The following DNAH7 variants were observed in gnomAD, a reference collection of about 807,000 sequenced individuals.
The protein encoded by DNAH7 is dynein axonemal heavy chain 7.
DNAH7 carries 397 observed loss-of-function variants against 444.6 expected under a neutral mutation model. The observed-to-expected ratio is 0.89, with a 90% CI of 0.82 to 0.97. The LOEUF is 0.97. Ranked by LOEUF, DNAH7 falls within the 50% of genes least tolerant of loss-of-function variation. The pLI is 0.00. For synonymous variants in DNAH7, 1,636 were observed against 1,624.4 expected (o/e 1.01, Z -0.17); for missense variants, 4,902 against 4,800.8 (o/e 1.02, Z -0.62).
chr2:196,013,703 G>A (rs901688714), intron 9 of DNAH7, among the ~76,000 whole-genome samples: 6 of 152,124 alleles, frequency 3.9e-5, no homozygotes, highest in Non-Finnish European at 8.8e-5. Context: ...CACAAAGTAC[G>A]TATAACCACT....
rs140152411 is a variant in DNAH7, at chr2:195,921,352, T to TACACACACACAC, written c.3935+724_3935+735dup. Among the ~76,000 whole-genome samples, 62 of 140,462 alleles carry TACACACACACAC rather than the reference T, an allele frequency of 4.4e-4. No homozygotes were observed. The East Asian group carries it at 6.3e-3, about 14-fold the overall frequency. The allele number at this position is 140,462 out of a possible 152,430, so 92.1% of individuals were successfully genotyped here. Reference sequence around the variant, plus strand: ...ATGAGTGGATAAAGAAAATGTGGTGTACACACACACACACACACACACACA... The same window carrying TACACACACACAC: ...ATGAGTGGATAAAGAAAATGTGGTGTACACACACACACACACACACACACACACACACACACA... On this transcript the variant is annotated intron_variant, in intron 24 of 64. Transcript: ENST00000312428.
At chr2:196,047,280 A>C (rs1484106416) in intron 5 of DNAH7, 72 bp downstream of exon 5, 1 of 1,340,298 alleles carries the variant, frequency 7.5e-7, no homozygotes, top group African/African-American at 1.5e-5. Flanking sequence ...ACAGAATTCT[A>C]ATATTCTTAG....
intron 54 of DNAH7, among the ~76,000 whole-genome samples, chr2:195,803,662 G>C (rs72915107): frequency 6.6e-6 from 1 of 152,060 alleles, no homozygotes; most frequent in Non-Finnish European, 1.5e-5. Flanking sequence ...AGAAGTCTGC[G>C]GTCTTCTATG....
At chr2:195,968,175 G>C (rs1489531474) in intron 17 of DNAH7, among the ~76,000 whole-genome samples, 1 of 152,166 alleles carries the variant, frequency 6.6e-6, no homozygotes, top group Admixed American at 6.5e-5. Flanking sequence ...GGACTTGGGG[G>C]CCCCAAGGTC....
chr2:195,956,650 CAAA>C (rs34080750), intron 19 of DNAH7, among the ~76,000 whole-genome samples: 13 of 125,344 alleles, frequency 1.0e-4, no homozygotes, highest in African/African-American at 1.0e-4. Flanking sequence ...GACTCTGTCT[CAAA>C]AAAAAAAAAA....
chr2:195,897,733 CA>C lies in DNAH7; in HGVS notation c.4580del (p.Leu1527CysfsTer9). The C allele has an allele frequency of 1.3e-6, 2 of 1,499,404 alleles. No homozygotes were observed. The highest frequency in any genetic ancestry group is 1.8e-6 in the Non-Finnish European group (2 of 1,105,950). The allele number at this position is 1,499,404 out of a possible 1,614,324, so 92.9% of individuals were successfully genotyped here. A position where few individuals can be genotyped will look rare whatever the true frequency, so the allele number is the denominator to read the frequency against. On this transcript the variant is annotated frameshift_variant, in exon 29 of 65. Transcript: ENST00000312428. LOFTEE classifies it high-confidence loss of function. ...LKYPNENEEI[L>X]LLRSIIDVNL... ...TTACATCAATGATAGATCTAAGCAGCAAAATTTCTTCATTTTCATTTGGATA... is the reference window on the plus strand; with the variant it reads ...TTACATCAATGATAGATCTAAGCAGCAAATTTCTTCATTTTCATTTGGATA...
intron 43 of DNAH7, 144 bp from the exon 44 acceptor site, chr2:195,857,867 CT>C: frequency 2.9e-6 from 2 of 692,322 alleles, no homozygotes; most frequent in South Asian, 5.6e-5. Flanking sequence ...TGCACTTACA[CT>C]TTTCTCCTCA....
chr2:195,867,629 A>G (rs146283967), intron 40 of DNAH7, among the ~76,000 whole-genome samples: 67 of 152,286 alleles, frequency 4.4e-4, no homozygotes, highest in African/African-American at 1.5e-3. Context: ...TCTATTTACT[A>G]TCTCTATGGA....
chr2:195,846,949 A>ATATGTGTGTGTGTGTGTGTGTG (rs1553535817), intron 46 of DNAH7, among the ~76,000 whole-genome samples: 3 of 137,158 alleles, frequency 2.2e-5, no homozygotes, highest in African/African-American at 8.5e-5. Flanking sequence ...ACTCCCATAT[A>ATATGTGTGTGTGTGTGTGTGTG]TGTGTGTGTG....
rs1447541994 is a variant in DNAH7 at position 195,876,550 on chromosome 2, C to T, written c.6111G>A (p.Lys2037=). The T allele has an allele frequency of 6.2e-7, 1 of 1,613,720 alleles. No homozygotes were observed. The highest frequency in any genetic ancestry group is 8.5e-7 in the Non-Finnish European group (1 of 1,179,800). Residue 2037 remains lysine (K), a synonymous_variant, in exon 37 of 65, where the codon AAG becomes AAA. Transcript: ENST00000312428. ...CTGTACAAAGAGTCATTACCATTCT[C>T]TTGCCCAAAGGAGGACCAAAAACTC... The part of the protein sequence containing the change: ...RKGVFGPPLG[K]RMVVFVDDVN...
intron 7 of DNAH7, 58 bp from the exon 8 acceptor site, chr2:196,024,562 C>A: frequency 2.1e-6 from 2 of 930,332 alleles, no homozygotes; most frequent in South Asian, 2.0e-5. Flanking sequence ...AGTACATTTC[C>A]AAGCAATTGC....
intron 53 of DNAH7, among the ~76,000 whole-genome samples, chr2:195,807,634 C>T (rs1420113850): frequency 6.6e-6 from 1 of 151,754 alleles, no homozygotes; most frequent in African/African-American, 2.4e-5. Context: ...ATGAAGAAGC[C>T]AATTGAGAGC....
chr2:195,909,207 CA>C (rs1687213819), intron 25 of DNAH7, among the ~76,000 whole-genome samples: 1 of 151,888 alleles, frequency 6.6e-6, no homozygotes, highest in African/African-American at 2.4e-5. Context: ...ACCCATGTAA[CA>C]AACCTGCACC....
At chr2:195,926,163 A>T (rs1177205666) in intron 22 of DNAH7, among the ~76,000 whole-genome samples, 2 of 152,168 alleles carry the variant, frequency 1.3e-5, no homozygotes, top group Non-Finnish European at 2.9e-5. Context: ...GTATATAATA[A>T]CAAGATTGAG....
chr2:195,999,083 T>C (rs1309034262), intron 12 of DNAH7: 2 of 716,712 alleles, frequency 2.8e-6, no homozygotes, highest in Non-Finnish European at 5.2e-6. Context: ...TCGAGCAAAG[T>C]TGGAAGTCAT....
intron 57 of DNAH7, among the ~76,000 whole-genome samples, chr2:195,790,561 G>T (rs371699502): frequency 6.6e-6 from 1 of 151,914 alleles, no homozygotes; most frequent in East Asian, 1.9e-4. Flanking sequence ...TCTGCTCTTT[G>T]ACAAAGTTGA....
chr2:196,040,106 C>T (rs545031844), intron 5 of DNAH7, among the ~76,000 whole-genome samples: 2 of 152,042 alleles, frequency 1.3e-5, no homozygotes, highest in Admixed American at 6.5e-5. Context: ...AAGAAAAGCC[C>T]AACACTGGAT....
intron 24 of DNAH7, among the ~76,000 whole-genome samples, chr2:195,917,417 C>A (rs1687757199): frequency 6.6e-6 from 1 of 152,130 alleles, no homozygotes; most frequent in South Asian, 2.1e-4. Flanking sequence ...CACAGGTGGA[C>A]AGCCCACCCT....
chr2:195,796,044 A>G (rs1420431550), intron 56 of DNAH7, among the ~76,000 whole-genome samples: 3 of 152,096 alleles, frequency 2.0e-5, no homozygotes, highest in Non-Finnish European at 4.4e-5. Flanking sequence ...TTTTCCTGGA[A>G]TTTCTGCCAA....
Sources: allele counts gnomAD v4.1 joint callset (sites outside exome capture counted in the v4.1 genomes callset), GRCh38; gene constraint gnomAD v4.1.1; transcripts MANE v1.5; gene names NCBI Gene and HGNC (gene_info 2026-07-23, HGNC 2026-07-21).